COQ7: variants seen among roughly 807,000 people sequenced by gnomAD.
COQ7 encodes coenzyme Q7, hydroxylase.
Under a neutral mutation model 25.0 loss-of-function variants are expected in COQ7, and 21 were observed. That is an observed-to-expected ratio of 0.84 (90% CI 0.60 to 1.21). The LOEUF is 1.21. Among genes scored for constraint, COQ7 ranks in the 50% most tolerant of loss-of-function variants. The pLI, the probability that COQ7 is intolerant of heterozygous loss-of-function variation, is 0.00. For synonymous variants in COQ7, 125 were observed against 112.4 expected (o/e 1.11, Z -0.71); for missense variants, 311 against 296.2 (o/e 1.05, Z -0.37).
intron 3 of COQ7, 96 bp from the exon 4 acceptor site, chr16:19,075,625 G>A (rs1262343849): frequency 6.6e-6 from 9 of 1,363,682 alleles, no homozygotes; most frequent in Non-Finnish European, 8.9e-6. Flanking sequence ...CCGGCCCGAT[G>A]TCTGGTGCAG....
At chr16:19,073,457 C>T (rs549103488) in intron 2 of COQ7, among the ~76,000 whole-genome samples, 2 of 152,230 alleles carry the variant, frequency 1.3e-5, no homozygotes, top group Admixed American at 6.5e-5. Flanking sequence ...CTTGCTACTG[C>T]ACTACAGTCT....
intron 1 of COQ7, chr16:19,067,993 A>G: frequency 7.3e-7 from 1 of 1,366,916 alleles, no homozygotes; most frequent in Non-Finnish European, 9.4e-7. Flanking sequence ...ACCCCTGTGC[A>G]GTGATGTCAC....
chr16:19,078,015 C>A, intron 5 of COQ7, 66 bp from the exon 6 acceptor site: 2 of 1,249,874 alleles, frequency 1.6e-6, no homozygotes, highest in Admixed American at 2.3e-5. Flanking sequence ...GCCCTGCCAG[C>A]CCTGAATCTT....
chr16:19,082,681 C>T (rs1963116669), downstream of COQ7, among the ~76,000 whole-genome samples: 1 of 151,622 alleles, frequency 6.6e-6, no homozygotes, highest in Non-Finnish European at 1.5e-5. Flanking sequence ...GCAGGAGAAT[C>T]GCTTGAACCC....
chr16:19,081,892 A>C (rs1273866225), downstream of COQ7, among the ~76,000 whole-genome samples: 4 of 152,234 alleles, frequency 2.6e-5, no homozygotes, highest in Non-Finnish European at 1.5e-5. Context: ...GCTGAAGCTC[A>C]GAAGAAACAA....
intron 1 of COQ7, chr16:19,068,255 T>C (rs1024709652): frequency 2.5e-5 from 25 of 996,278 alleles, no homozygotes; most frequent in Non-Finnish European, 2.8e-5. Flanking sequence ...CTGTAAACTG[T>C]GAAAGCCATC....
At chr16:19,072,157 A>G (rs777854472) in intron 2 of COQ7, 51 bp downstream of exon 2, 2 of 1,602,500 alleles carry the variant, frequency 1.2e-6, no homozygotes, top group Non-Finnish European at 1.7e-6. Context: ...GGGCAGATCC[A>G]AAGGACTTCA....
At position 19,067,647 on chromosome 16, in the gene COQ7, C is replaced by G. The variant is rs777810784; in HGVS notation, c.-18C>G. 4 of 1,613,570 alleles carry G rather than the reference C, an allele frequency of 2.5e-6. No individual in the cohort carries two copies. The South Asian group carries it at 3.3e-5, about 13-fold the overall frequency. On this transcript the variant is annotated 5_prime_UTR_variant, in exon 1 of 6. Coordinates refer to ENST00000321998, the MANE Select transcript of COQ7 (RefSeq NM_016138.5). ...CCAGTTCCGTTCAACGAAGTGGTTG[C>G]TTTTTTTAGTTCCGGCAATGAGTTG...
chr16:19,080,878 C>G (rs1279654386), downstream of COQ7, among the ~76,000 whole-genome samples: 1 of 152,030 alleles, frequency 6.6e-6, no homozygotes, highest in Non-Finnish European at 1.5e-5. Flanking sequence ...TGTTTTGATC[C>G]TCTTCAAAAG....
chr16:19,068,492 A>G (rs1403878895), intron 1 of COQ7: 1 of 712,020 alleles, frequency 1.4e-6, no homozygotes, highest in African/African-American at 1.9e-5. Context: ...CCTCTACTAA[A>G]AATACAAAAA....
At chr16:19,076,627 C>G (rs1348128925) in intron 4 of COQ7, among the ~76,000 whole-genome samples, 1 of 128,922 alleles carries the variant, frequency 7.8e-6, no homozygotes, top group Non-Finnish European at 1.6e-5. Context: ...TGGAGTCTCA[C>G]TCTGTCCCCA....
At chr16:19,071,635 G>A (rs973746438) in intron 1 of COQ7, 5 of 398,472 alleles carry the variant, frequency 1.3e-5, no homozygotes, top group Non-Finnish European at 2.3e-5. Flanking sequence ...CAGAGGGTTG[G>A]TGAACTGGAG....
chr16:19,069,496 C>T (rs750382505), intron 1 of COQ7, among the ~76,000 whole-genome samples: 2 of 150,294 alleles, frequency 1.3e-5, no homozygotes, highest in East Asian at 2.0e-4. Flanking sequence ...CTGCAACCTC[C>T]GCCTCCTGGG....
chr16:19,069,754 A>G (rs910967385), intron 1 of COQ7, among the ~76,000 whole-genome samples: 1 of 151,634 alleles, frequency 6.6e-6, no homozygotes, highest in Admixed American at 6.6e-5. Flanking sequence ...TCCCAAGGCT[A>G]GTGTTAGAGA....
rs551464915 is a variant in COQ7 at position 19,068,065 on chromosome 16, C to T, written c.73+328C>T. On this transcript the variant is annotated intron_variant, in intron 1 of 5. Coordinates refer to ENST00000321998, the MANE Select transcript of COQ7 (RefSeq NM_016138.5). ...GGCGACACTGAAAATTCAGCGTCTC[C>T]GGGAGTCTCTCTCTTTGTAGTCTTT... 13 of 1,196,756 alleles carry T rather than the reference C, an allele frequency of 1.1e-5. No individual in the cohort carries two copies. The African/African-American group carries it at 1.4e-4, about 13-fold the overall frequency. 74.1% of individuals were successfully genotyped at this position (1,196,756 alleles called of 1,614,324 possible). A position where few individuals can be genotyped will look rare whatever the true frequency, so the allele number is the denominator to read the frequency against.
rs1438280235 is a variant in COQ7 at position 19,079,178 on chromosome 16, C to T, written c.*1020C>T. On this transcript the variant is annotated 3_prime_UTR_variant, in exon 6 of 6. Coordinates refer to ENST00000321998, the MANE Select transcript of COQ7 (RefSeq NM_016138.5). ...GACTTCTCTGAGGAAGCAGACCCTTCACAAGCAAAATCAGCCAGCACTTTG... is the reference window on the plus strand; with the variant it reads ...GACTTCTCTGAGGAAGCAGACCCTTTACAAGCAAAATCAGCCAGCACTTTG... The T allele has an allele frequency of 1.3e-5, 2 of 152,290 alleles. No homozygotes were observed. The highest frequency in any genetic ancestry group is 4.8e-5 in the African/African-American group (2 of 41,446). The allele number at this position is 152,290 out of a possible 1,614,324, so 9.4% of individuals were successfully genotyped here. A position where few individuals can be genotyped will look rare whatever the true frequency, so the allele number is the denominator to read the frequency against.
chr16:19,082,943 C>T (rs1307281381), downstream of COQ7, among the ~76,000 whole-genome samples: 1 of 151,616 alleles, frequency 6.6e-6, no homozygotes, highest in African/African-American at 2.4e-5. Flanking sequence ...TCGTCTAGGG[C>T]TGGAGGGGCG....
In COQ7 at chr16:19,078,121, G is replaced by T. The variant is rs764729930; in HGVS notation, c.617G>T (p.Gly206Val). 25 of 1,612,080 alleles carry T rather than the reference G, an allele frequency of 1.6e-5. No individual in the cohort carries two copies. In the South Asian group the frequency reaches 2.6e-4, roughly 17 times the overall value. ...GTCCTGAAGAGCATTATCCAGGCCG[G>T]ATGCAGAGTGGCGATATATTTATCA... ...YAVLKSIIQAGCRVAIYLSER... is the reference protein window; with the variant it reads ...YAVLKSIIQAVCRVAIYLSER... The change falls in exon 6 of 6, where the codon GGA becomes GTA. Residue 206 changes from glycine (G) to valine (V), a missense_variant. Physicochemically the swap from Gly to Val is moderately radical, Grantham distance 109 (BLOSUM62 -3). Transcript: ENST00000321998.
chr16:19,071,660 A>G (rs937674561), intron 1 of COQ7: 20 of 452,958 alleles, frequency 4.4e-5, no homozygotes, highest in Admixed American at 7.1e-5. Flanking sequence ...ATGCTCATCT[A>G]GAAGCGGTTG....
Sources: allele counts gnomAD v4.1 joint callset (sites outside exome capture counted in the v4.1 genomes callset), GRCh38; gene constraint gnomAD v4.1.1; transcripts MANE v1.5; gene names NCBI Gene and HGNC (gene_info 2026-07-23, HGNC 2026-07-21).